FOXN3: variants seen among roughly 807,000 people sequenced by gnomAD.
FOXN3 encodes forkhead box protein N3.
Under a neutral mutation model 38.4 loss-of-function variants are expected in FOXN3, and 7 were observed. That is an observed-to-expected ratio of 0.18 (90% confidence interval 0.10 to 0.34). The LOEUF is 0.34. FOXN3 is among the 10% of genes least tolerant of loss of function. The probability of loss-of-function intolerance (pLI) is 1.00; values close to 1 mark genes in which losing one functional copy is unlikely to be tolerated. For missense variants in FOXN3, 456 were observed against 613.4 expected, an observed-to-expected ratio of 0.74 and a Z score of 2.71; for synonymous variants, 230 against 242.2, an observed-to-expected ratio of 0.95 and a Z score of 0.47.
At chr14:89,214,905 A>G (rs1884221002) in intron 4 of FOXN3, among the ~76,000 whole-genome samples, 1 of 152,222 alleles carries the variant, frequency 6.6e-6, no homozygotes, top group African/African-American at 2.4e-5. Context: ...TCTGACTATA[A>G]AACTATTACC....
At chr14:89,183,347 T>A (rs1490483640) in intron 4 of FOXN3, among the ~76,000 whole-genome samples, 2 of 152,186 alleles carry the variant, frequency 1.3e-5, no homozygotes, top group Admixed American at 1.3e-4. Flanking sequence ...CAGTTGTAAT[T>A]CACGTCAGTA....
At chr14:89,383,148 A>C (rs1890705379) in intron 2 of FOXN3, among the ~76,000 whole-genome samples, 1 of 151,542 alleles carries the variant, frequency 6.6e-6, no homozygotes, top group African/African-American at 2.4e-5. Context: ...GTCTGAACTA[A>C]ACATATGTCC....
chr14:89,567,249 G>A (rs942711669), intron 1 of FOXN3, among the ~76,000 whole-genome samples: 4 of 152,112 alleles, frequency 2.6e-5, no homozygotes, highest in African/African-American at 9.7e-5. Context: ...GTCAAGCTCT[G>A]AATAAGCTGG....
intron 4 of FOXN3, among the ~76,000 whole-genome samples, chr14:89,187,351 C>T (rs1887834358): frequency 6.6e-6 from 1 of 152,214 alleles, no homozygotes; most frequent in African/African-American, 2.4e-5. Context: ...ATGTGTTGCT[C>T]TCCGAAGCCA....
chr14:89,272,371 C>T (rs1467003018), intron 4 of FOXN3, among the ~76,000 whole-genome samples: 1 of 151,802 alleles, frequency 6.6e-6, no homozygotes, highest in Non-Finnish European at 1.5e-5. Flanking sequence ...CTGAACTGTA[C>T]ACTGTAAAAT....
intron 1 of FOXN3, among the ~76,000 whole-genome samples, chr14:89,593,338 A>T (rs1464627365): frequency 6.6e-6 from 1 of 152,096 alleles, no homozygotes; most frequent in Non-Finnish European, 1.5e-5. Flanking sequence ...GATAAGGTTT[A>T]TTAATAGCAA....
intron 1 of FOXN3, among the ~76,000 whole-genome samples, chr14:89,547,030 C>T (rs1048816271): frequency 2.0e-5 from 3 of 151,756 alleles, no homozygotes; most frequent in Non-Finnish European, 4.4e-5. Flanking sequence ...AGCGATCCAC[C>T]CGCCGCAGCC....
rs59105357 is a variant in FOXN3 at position 89,377,020 on chromosome 14, C to CAAAAAAAAAAAAAAAAAAAAAAAAAAAAA, written c.544-26241_544-26213dup. 4.4e-4 allele frequency among the ~76,000 whole-genome samples: 19 copies of CAAAAAAAAAAAAAAAAAAAAAAAAAAAAA among 42,782 alleles called. 2 individuals carry two copies. The highest frequency in any genetic ancestry group is 6.9e-4 in the Non-Finnish European group (16 of 23,246). 28.1% of individuals were successfully genotyped at this position (42,782 alleles called of 152,430 possible). A position where few individuals can be genotyped will look rare whatever the true frequency, so the allele number is the denominator to read the frequency against. On this transcript the variant is annotated intron_variant, in intron 2 of 5. Coordinates refer to ENST00000557258, the MANE Select transcript of FOXN3 (RefSeq NM_005197.4). ...TGAGCAAAAGATCAAGACTCTGTCT[C>CAAAAAAAAAAAAAAAAAAAAAAAAAAAAA]AAAAAAAAAAAAAAAAAAAAAAAAA...
chr14:89,358,976 T>G (rs745929084), intron 2 of FOXN3, among the ~76,000 whole-genome samples: 1 of 152,200 alleles, frequency 6.6e-6, no homozygotes, highest in African/African-American at 2.4e-5. Flanking sequence ...AAGGAGATAA[T>G]ATTGTGCTTG....
At chr14:89,493,792 C>T (rs535634349) in intron 1 of FOXN3, among the ~76,000 whole-genome samples, 8 of 151,758 alleles carry the variant, frequency 5.3e-5, no homozygotes, top group South Asian at 2.1e-4. Context: ...GTTGCACATT[C>T]GATTTGCTTT....
At chr14:89,381,559 T>C (rs1890650024) in intron 2 of FOXN3, among the ~76,000 whole-genome samples, 2 of 140,618 alleles carry the variant, frequency 1.4e-5, no homozygotes, top group Admixed American at 7.2e-5. Context: ...AAAAAAGGTT[T>C]GCTTAAGTGA....
intron 3 of FOXN3, among the ~76,000 whole-genome samples, chr14:89,323,160 C>T (rs1887941114): frequency 6.6e-6 from 1 of 151,650 alleles, no homozygotes; most frequent in African/African-American, 2.4e-5. Flanking sequence ...TGGTGGCAGG[C>T]AACTGCAGTC....
intron 2 of FOXN3, among the ~76,000 whole-genome samples, chr14:89,355,800 T>C (rs576803341): frequency 6.6e-6 from 1 of 152,224 alleles, no homozygotes; most frequent in African/African-American, 2.4e-5. Flanking sequence ...TCCACTGATC[T>C]AGGACAGTAG....
At chr14:89,460,134 A>AT (rs1227898663) in intron 1 of FOXN3, among the ~76,000 whole-genome samples, 1 of 152,164 alleles carries the variant, frequency 6.6e-6, no homozygotes, top group African/African-American at 2.4e-5. Flanking sequence ...TTTTTCTTGC[A>AT]TTTTGTTGTA....
chr14:89,449,232 C>T (rs1279055172), intron 1 of FOXN3, among the ~76,000 whole-genome samples: 1 of 152,212 alleles, frequency 6.6e-6, no homozygotes, highest in African/African-American at 2.4e-5. Context: ...CTTCCCCATA[C>T]CTAAGTTTCT....
intron 1 of FOXN3, among the ~76,000 whole-genome samples, chr14:89,564,125 G>A (rs1315579998): frequency 6.6e-6 from 1 of 152,114 alleles, no homozygotes; most frequent in Non-Finnish European, 1.5e-5. Flanking sequence ...AAAGTGCTAG[G>A]ATTACAGGCA....
At chr14:89,219,000 T>C (rs187335458) in intron 4 of FOXN3, among the ~76,000 whole-genome samples, 4 of 152,358 alleles carry the variant, frequency 2.6e-5, no homozygotes, top group African/African-American at 9.6e-5. Context: ...TTTTCTCCTT[T>C]TATTTAACAG....
chr14:89,428,558 G>A (rs1407711930), intron 1 of FOXN3, among the ~76,000 whole-genome samples: 1 of 152,176 alleles, frequency 6.6e-6, no homozygotes, highest in Admixed American at 6.5e-5. Context: ...TCAAAGATTT[G>A]GCCCCCAAAC....
intron 3 of FOXN3, among the ~76,000 whole-genome samples, chr14:89,320,466 C>A (rs1596181086): frequency 6.6e-6 from 1 of 152,264 alleles, no homozygotes; most frequent in African/African-American, 2.4e-5. Context: ...GAATCACCCA[C>A]ACACTGGTCC....
Sources: gnomAD v4.1 joint callset for allele counts (sites outside exome capture counted in the v4.1 genomes callset) on GRCh38, gnomAD v4.1.1 for gene constraint, MANE v1.5 for transcripts, NCBI Gene and HGNC (gene_info 2026-07-23, HGNC 2026-07-21) for gene names.